ZNF521: variants seen among roughly 807,000 people sequenced by gnomAD.
The protein encoded by ZNF521 is zinc finger protein 521, also known as LYST-interacting protein 3.
Under a neutral mutation model 105.5 loss-of-function variants are expected in ZNF521, and 14 were observed. The ratio of observed to expected loss-of-function variants is 0.13; its 90% CI spans 0.09 to 0.21. The LOEUF is 0.21. Among genes scored for constraint, ZNF521 ranks in the 10% least tolerant of loss-of-function variants. The pLI, the probability that ZNF521 is intolerant of heterozygous loss-of-function variation, is 1.00. For synonymous variants in ZNF521, 635 were observed against 606.0 expected, an observed-to-expected ratio of 1.05 and a Z score of -0.70; for missense variants, 1,233 against 1,629.7, an observed-to-expected ratio of 0.76 and a Z score of 4.19.
At chr18:25,063,645 G>A (rs1357901717) in intron 7 of ZNF521, among the ~76,000 whole-genome samples, 1 of 152,182 alleles carries the variant, frequency 6.6e-6, no homozygotes, top group African/African-American at 2.4e-5. Flanking sequence ...CAGGCAGTTT[G>A]CTAGTTGCTG....
At chr18:25,220,737 T>C (rs186730882) in intron 4 of ZNF521, among the ~76,000 whole-genome samples, 4 of 152,060 alleles carry the variant, frequency 2.6e-5, no homozygotes, top group African/African-American at 9.7e-5. Flanking sequence ...TGTGAGTAAA[T>C]AGTTGCTCAG....
At chr18:25,342,679 C>T (rs1037184586) in intron 2 of ZNF521, among the ~76,000 whole-genome samples, 1 of 152,034 alleles carries the variant, frequency 6.6e-6, no homozygotes, top group Non-Finnish European at 1.5e-5. Context: ...CCGCCCGCCT[C>T]GGCCTCCCAA....
chr18:25,162,976 TA>T (rs943580369), intron 5 of ZNF521, among the ~76,000 whole-genome samples: 1 of 152,188 alleles, frequency 6.6e-6, no homozygotes, highest in African/African-American at 2.4e-5. Context: ...AAGATCAACA[TA>T]AAATGGCACT....
intron 3 of ZNF521, among the ~76,000 whole-genome samples, chr18:25,267,772 G>A (rs769147067): frequency 1.3e-5 from 2 of 152,116 alleles, no homozygotes; most frequent in South Asian, 2.1e-4. Context: ...GACCCCATCC[G>A]AAGGTCACCA....
chr18:25,331,565 A>G (rs1913567895), intron 2 of ZNF521, among the ~76,000 whole-genome samples: 1 of 152,222 alleles, frequency 6.6e-6, no homozygotes, highest in Non-Finnish European at 1.5e-5. Flanking sequence ...TTCCCCAAGC[A>G]AAGAAAAATC....
At chr18:25,278,250 G>T (rs761917911) in intron 3 of ZNF521, among the ~76,000 whole-genome samples, 30 of 152,012 alleles carry the variant, frequency 2.0e-4, no homozygotes, top group Admixed American at 1.3e-4. Context: ...GTCCTCTACC[G>T]AGAATCCAAT....
intron 3 of ZNF521, among the ~76,000 whole-genome samples, chr18:25,240,781 T>C (rs1907265337): frequency 6.6e-6 from 1 of 151,920 alleles, no homozygotes; most frequent in Non-Finnish European, 1.5e-5. Flanking sequence ...CAGGCTGGGT[T>C]CACAACCACT....
At chr18:25,194,099 T>C (rs2035863392) in intron 5 of ZNF521, among the ~76,000 whole-genome samples, 1 of 151,828 alleles carries the variant, frequency 6.6e-6, no homozygotes, top group South Asian at 2.1e-4. Context: ...CTTAGAATAT[T>C]TCTAATTAGT....
chr18:25,232,367 T>C (rs1486919625), intron 3 of ZNF521, among the ~76,000 whole-genome samples: 2 of 152,252 alleles, frequency 1.3e-5, no homozygotes, highest in Admixed American at 6.5e-5. Context: ...AAGCTGCATA[T>C]GTAAACAAAA....
chr18:25,290,601 C>T (rs560773792), intron 3 of ZNF521, among the ~76,000 whole-genome samples: 17 of 148,526 alleles, frequency 1.1e-4, no homozygotes, highest in South Asian at 8.5e-4. Context: ...CACAGTAGGC[C>T]ATATTCTTTT....
chr18:25,121,198 G>A (rs1377409186), intron 5 of ZNF521, among the ~76,000 whole-genome samples: 10 of 132,104 alleles, frequency 7.6e-5, no homozygotes, highest in African/African-American at 2.8e-4. Context: ...TGCAAACTCC[G>A]CCTCCCAGGT....
At chr18:25,176,394 A>T (rs936977014) in intron 5 of ZNF521, among the ~76,000 whole-genome samples, 2 of 152,194 alleles carry the variant, frequency 1.3e-5, no homozygotes, top group African/African-American at 4.8e-5. Context: ...TTAACACATC[A>T]TGTATGCACT....
At chr18:25,160,839 T>C (rs1264470988) in intron 5 of ZNF521, among the ~76,000 whole-genome samples, 3 of 152,142 alleles carry the variant, frequency 2.0e-5, no homozygotes, top group African/African-American at 7.2e-5. Context: ...GTGTGTGTTT[T>C]TTCTGTTAAG....
chr18:25,315,530 G>A (rs1382758829), intron 3 of ZNF521: 2 of 152,196 alleles, frequency 1.3e-5, no homozygotes, highest in African/African-American at 2.4e-5. Flanking sequence ...CATGAGGTGT[G>A]TGTGAGCTCG....
intron 3 of ZNF521, among the ~76,000 whole-genome samples, chr18:25,254,914 C>T (rs1908373477): frequency 6.6e-6 from 1 of 151,976 alleles, no homozygotes; most frequent in Non-Finnish European, 1.5e-5. Context: ...CAGTGAAAAC[C>T]CCCAGTAAAT....
chr18:25,161,964 C>T (rs781141933), intron 5 of ZNF521, among the ~76,000 whole-genome samples: 6 of 152,164 alleles, frequency 3.9e-5, no homozygotes, highest in Non-Finnish European at 8.8e-5. Flanking sequence ...CACATGGGAA[C>T]TACCTTCTGT....
chr18:25,287,194 G>A (rs541949069), intron 3 of ZNF521, among the ~76,000 whole-genome samples: 131 of 152,172 alleles, frequency 8.6e-4, no homozygotes, highest in Non-Finnish European at 1.4e-3. Flanking sequence ...GGGGGGCCTG[G>A]TCGGCTTCTC....
At chr18:25,213,187 GATA>G (rs72191604) in intron 4 of ZNF521, among the ~76,000 whole-genome samples, 53,112 of 147,308 alleles carry the variant, frequency 0.36, 9,655 homozygotes, top group South Asian at 0.47. Context: ...ATATTATAAT[GATA>G]ATATTATAGT....
At chr18:25,285,593 A>G (rs1910652120) in intron 3 of ZNF521, among the ~76,000 whole-genome samples, 1 of 152,170 alleles carries the variant, frequency 6.6e-6, no homozygotes, top group Non-Finnish European at 1.5e-5. Context: ...CCAACAAAGT[A>G]TAGTATCACT....
Sources: gnomAD v4.1 joint callset for allele counts (sites outside exome capture counted in the v4.1 genomes callset) on GRCh38, gnomAD v4.1.1 for gene constraint, MANE v1.5 for transcripts, NCBI Gene and HGNC (gene_info 2026-07-23, HGNC 2026-07-21) for gene names.